The following CCDC148 variants were observed in gnomAD, a reference collection of about 807,000 sequenced individuals.
The protein encoded by CCDC148 is coiled-coil domain containing 148.
CCDC148 carries 89 observed loss-of-function variants against 85.7 expected under a neutral mutation model. The ratio of observed to expected loss-of-function variants is 1.04; its 90% confidence interval spans 0.87 to 1.24. The LOEUF (loss-of-function observed/expected upper bound fraction) is 1.24. Among genes scored for constraint, CCDC148 ranks in the 50% most tolerant of loss-of-function variants. The pLI is 0.00. For missense variants in CCDC148, 692 were observed against 671.7 expected (o/e 1.03, Z -0.33); for synonymous variants, 230 against 213.9 (o/e 1.08, Z -0.66).
chr2:158,348,554 CAT>C (rs1491283529), intron 2 of CCDC148, among the ~76,000 whole-genome samples: 3 of 151,840 alleles, frequency 2.0e-5, no homozygotes, highest in Non-Finnish European at 4.4e-5. Context: ...ATTATTAAGA[CAT>C]TAACATTTTT....
At position 158,239,160 on chromosome 2, in the gene CCDC148, A is replaced by C. The variant is rs549039275; in HGVS notation, c.1251+11612T>G. Among the ~76,000 whole-genome samples, 3 of 152,320 alleles carry C rather than the reference A, an allele frequency of 2.0e-5. No homozygotes were observed. In the South Asian group the frequency reaches 6.2e-4, roughly 32 times the overall value. On this transcript the variant is annotated intron_variant, in intron 10 of 13. Coordinates refer to ENST00000283233, the MANE Select transcript of CCDC148 (RefSeq NM_138803.4). ...TAAATCAAATCCCTATGAATAATCA[A>C]GACCTAGCCAGAAAGTACAGTCAAA...
intron 11 of CCDC148, among the ~76,000 whole-genome samples, chr2:158,196,580 C>T (rs1253558521): frequency 1.3e-5 from 2 of 152,140 alleles, no homozygotes; most frequent in South Asian, 2.1e-4. Context: ...TTTCTCACTG[C>T]CCCCAATCTG....
intron 7 of CCDC148, among the ~76,000 whole-genome samples, chr2:158,329,333 G>T (rs1395977276): frequency 6.6e-6 from 1 of 152,092 alleles, no homozygotes; most frequent in South Asian, 2.1e-4. Flanking sequence ...GTAGATATGC[G>T]GCATTATTTC....
intron 1 of CCDC148, among the ~76,000 whole-genome samples, chr2:158,368,348 A>G (rs772509429): frequency 1.3e-5 from 2 of 152,144 alleles, no homozygotes; most frequent in Non-Finnish European, 2.9e-5. Context: ...CTGTATTAAA[A>G]CCAACATTTC....
intron 10 of CCDC148, among the ~76,000 whole-genome samples, chr2:158,240,309 T>C (rs1197649461): frequency 6.6e-6 from 1 of 152,012 alleles, no homozygotes; most frequent in Admixed American, 6.6e-5. Context: ...ACTGTACTAT[T>C]GAGTCCTGCC....
At chr2:158,348,098 G>C (rs962605394) in intron 2 of CCDC148, among the ~76,000 whole-genome samples, 3 of 152,084 alleles carry the variant, frequency 2.0e-5, no homozygotes, top group Non-Finnish European at 4.4e-5. Context: ...GATTTATCCT[G>C]TGACCTAGCA....
chr2:158,446,189 A>C (rs1573835159), intron 1 of CCDC148, among the ~76,000 whole-genome samples: 1 of 152,062 alleles, frequency 6.6e-6, no homozygotes, highest in Non-Finnish European at 1.5e-5. Context: ...CTCTACAAAA[A>C]AACTACAATG....
intron 1 of CCDC148, among the ~76,000 whole-genome samples, chr2:158,411,928 AG>A (rs1559127671): frequency 7.7e-6 from 1 of 129,906 alleles, no homozygotes; most frequent in Non-Finnish European, 1.7e-5. Context: ...GAATCAGGTC[AG>A]GGGCATAGGT....
At chr2:158,213,092 TG>T (rs946560822) in intron 11 of CCDC148, among the ~76,000 whole-genome samples, 4 of 152,308 alleles carry the variant, frequency 2.6e-5, no homozygotes, top group African/African-American at 9.6e-5. Context: ...GAGTCTGGCC[TG>T]GGCATCAGGA....
intron 11 of CCDC148, among the ~76,000 whole-genome samples, chr2:158,214,157 TTCTTATG>T (rs1686730670): frequency 6.6e-6 from 1 of 151,142 alleles, no homozygotes; most frequent in Non-Finnish European, 1.5e-5. Flanking sequence ...CAAAGATACA[TTCTTATG>T]TCTATTTTGA....
intron 1 of CCDC148, among the ~76,000 whole-genome samples, chr2:158,429,830 A>G (rs1234723485): frequency 6.6e-6 from 1 of 152,186 alleles, no homozygotes; most frequent in African/African-American, 2.4e-5. Context: ...AAATGAAACA[A>G]GTTGGGTGGG....
At position 158,456,716 on chromosome 2, in the gene CCDC148, C is replaced by G; in HGVS notation, c.-277G>C. On this transcript the variant is annotated 5_prime_UTR_variant, in exon 1 of 14. Transcript: ENST00000283233. ...ACACCTTCTCTCTCACACCCACCCT[C>G]TCCAGGCCCTCTCGCGCTGAACAGC... 2.0e-6 allele frequency: 1 copy of G among 503,158 alleles called. No homozygotes were observed. Among genetic ancestry groups the G allele is most frequent in the Non-Finnish European group, 3.6e-6 (1 of 281,048 alleles). The allele number at this position is 503,158 out of a possible 1,614,324, so 31.2% of individuals were successfully genotyped here.
intron 9 of CCDC148, among the ~76,000 whole-genome samples, chr2:158,298,091 T>C (rs1047042156): frequency 2.0e-5 from 3 of 152,088 alleles, no homozygotes; most frequent in Admixed American, 2.0e-4. Flanking sequence ...AGAGAATGAG[T>C]GCCCAGCAAA....
intron 10 of CCDC148, among the ~76,000 whole-genome samples, chr2:158,231,090 T>C (rs1687835736): frequency 6.6e-6 from 1 of 152,078 alleles, no homozygotes; most frequent in East Asian, 1.9e-4. Context: ...CACAGATGGG[T>C]GGCTTAGGGG....
intron 2 of CCDC148, among the ~76,000 whole-genome samples, chr2:158,353,933 C>T (rs569839518): frequency 2.0e-5 from 3 of 152,298 alleles, no homozygotes; most frequent in Admixed American, 6.5e-5. Flanking sequence ...TCACTCAAAA[C>T]CACTCAACTA....
At chr2:158,358,375 A>G in intron 2 of CCDC148, 74 bp downstream of exon 2, 1 of 1,521,240 alleles carries the variant, frequency 6.6e-7, no homozygotes, top group Non-Finnish European at 8.8e-7. Context: ...TTATTTTCAC[A>G]TTGACAATGT....
At chr2:158,225,061 C>A (rs905793186) in intron 10 of CCDC148, among the ~76,000 whole-genome samples, 5 of 152,148 alleles carry the variant, frequency 3.3e-5, no homozygotes, top group Non-Finnish European at 7.3e-5. Flanking sequence ...CGAAACCCAT[C>A]TCATGTGAAG....
At chr2:158,381,664 T>C (rs906511914) in intron 1 of CCDC148, among the ~76,000 whole-genome samples, 3 of 152,046 alleles carry the variant, frequency 2.0e-5, no homozygotes, top group African/African-American at 7.2e-5. Context: ...AGCAGCGCTA[T>C]CTCCAGTAAC....
chr2:158,254,772 A>G (rs2105145806), intron 9 of CCDC148, among the ~76,000 whole-genome samples: 1 of 151,702 alleles, frequency 6.6e-6, no homozygotes, highest in South Asian at 2.1e-4. Flanking sequence ...GGGAATCGTC[A>G]TTGAATGACC....
Sources: allele counts gnomAD v4.1 joint callset (sites outside exome capture counted in the v4.1 genomes callset), GRCh38; gene constraint gnomAD v4.1.1; transcripts MANE v1.5; gene names NCBI Gene and HGNC (gene_info 2026-07-23, HGNC 2026-07-21).